TCERG1L: variants seen among roughly 807,000 people sequenced by gnomAD.
TCERG1L encodes the protein transcription elongation regulator 1 like.
Under a neutral mutation model 56.3 loss-of-function variants are expected in TCERG1L, and 37 were observed. The observed-to-expected ratio is 0.66, with a 90% CI of 0.51 to 0.87. The LOEUF (loss-of-function observed/expected upper bound fraction) is 0.87. Ranked by LOEUF, TCERG1L falls within the 40% of genes least tolerant of loss-of-function variation. TCERG1L has a pLI of 0.00. For synonymous variants in TCERG1L, 324 were observed against 326.3 expected, an observed-to-expected ratio of 0.99 and a Z score of 0.08; for missense variants, 799 against 774.2, an observed-to-expected ratio of 1.03 and a Z score of -0.38.
intron 4 of TCERG1L, among the ~76,000 whole-genome samples, chr10:131,241,740 C>T (rs1845976318): frequency 6.6e-6 from 1 of 151,898 alleles, no homozygotes; most frequent in Non-Finnish European, 1.5e-5. Context: ...TATGTGTATA[C>T]ATATACATGC....
Position 131,146,646 on chromosome 10 carries a change from G to A in TCERG1L, c.1049C>T (p.Thr350Met), listed in dbSNP as rs563448537. The A allele has an allele frequency of 5.0e-6, 8 of 1,612,798 alleles. No homozygotes were observed. The highest frequency in any genetic ancestry group is 2.2e-5 in the East Asian group (1 of 44,862). The change falls in exon 7 of 12, where the codon ACG becomes ATG. Residue 350 changes from threonine (T) to methionine (M), a missense_variant. Coordinates refer to ENST00000368642, the MANE Select transcript of TCERG1L (RefSeq NM_174937.4). Reference protein sequence around the residue: ...VPGSPWCVVWTGDDRVFFFNP... With the variant: ...VPGSPWCVVWMGDDRVFFFNP... Reference sequence around the variant, plus strand: ...GAAGAAGAAAACTCGGTCATCGCCCGTCCAGACCACACACCTGTTTGAGTG... The same window carrying A: ...GAAGAAGAAAACTCGGTCATCGCCCATCCAGACCACACACCTGTTTGAGTG...
chr10:131,230,067 C>T (rs1301244695), intron 4 of TCERG1L, among the ~76,000 whole-genome samples: 9 of 152,162 alleles, frequency 5.9e-5, no homozygotes, highest in East Asian at 1.9e-4. Flanking sequence ...CACTGCAACC[C>T]GACTGTCCCA....
chr10:131,115,347 T>C (rs1244581448), intron 9 of TCERG1L, among the ~76,000 whole-genome samples: 1 of 152,172 alleles, frequency 6.6e-6, no homozygotes, highest in Non-Finnish European at 1.5e-5. Context: ...AAGACCCTCA[T>C]GCCAAGAGCA....
intron 3 of TCERG1L, among the ~76,000 whole-genome samples, chr10:131,263,133 C>A (rs1387936624): frequency 1.3e-5 from 2 of 152,058 alleles, no homozygotes; most frequent in African/African-American, 4.8e-5. Context: ...TCCACGGTGG[C>A]TATGCCATTT....
chr10:131,147,131 C>T (rs1215049115), intron 6 of TCERG1L, among the ~76,000 whole-genome samples: 1 of 152,154 alleles, frequency 6.6e-6, no homozygotes, highest in Non-Finnish European at 1.5e-5. Flanking sequence ...CATTACCCTC[C>T]GGCAGCAGCA....
chr10:131,182,198 T>G (rs1845187398), intron 4 of TCERG1L, among the ~76,000 whole-genome samples: 1 of 152,210 alleles, frequency 6.6e-6, no homozygotes, highest in Admixed American at 6.5e-5. Context: ...GCCTTGAGTC[T>G]GCCGTGTGAG....
At chr10:131,165,080 T>C (rs1229981359) in intron 5 of TCERG1L, among the ~76,000 whole-genome samples, 2 of 152,228 alleles carry the variant, frequency 1.3e-5, no homozygotes, top group African/African-American at 4.8e-5. Context: ...CTCGCGTGTC[T>C]GTAAGAGACA....
intron 4 of TCERG1L, among the ~76,000 whole-genome samples, chr10:131,181,513 G>C (rs1400304103): frequency 6.6e-6 from 1 of 152,270 alleles, no homozygotes; most frequent in Non-Finnish European, 1.5e-5. Flanking sequence ...TCAGGCTATG[G>C]ACAGAGACGC....
Position 131,308,331 on chromosome 10 carries a change from A to G in TCERG1L, c.550T>C (p.Phe184Leu), listed in dbSNP as rs1846837436. 1 of 1,613,822 alleles carries G rather than the reference A, an allele frequency of 6.2e-7. No individual in the cohort carries two copies. Among genetic ancestry groups the G allele is most frequent in the Non-Finnish European group, 8.5e-7 (1 of 1,179,890 alleles). Residue 184 changes from phenylalanine to leucine, a missense_variant, in exon 3 of 12, where the codon TTT becomes CTT. Physicochemically the swap from Phe to Leu is conservative, Grantham distance 22 (BLOSUM62 0). Coordinates refer to ENST00000368642, the MANE Select transcript of TCERG1L (RefSeq NM_174937.4). Reference sequence around the variant, plus strand: ...CGAGGCTTTTCATGCCCATGGAAAAACCTTGACTCCTCAGGATGTATCCAC... The same window carrying G: ...CGAGGCTTTTCATGCCCATGGAAAAGCCTTGACTCCTCAGGATGTATCCAC... ...STWIHPEESRFFHGHEKPRLL... is the reference protein window; with the variant it reads ...STWIHPEESRLFHGHEKPRLL...
rs546656332 is a variant in TCERG1L at position 131,135,654 on chromosome 10, C to T, written c.1190-1206G>A. On this transcript the variant is annotated intron_variant, in intron 7 of 11. Coordinates refer to ENST00000368642, the MANE Select transcript of TCERG1L (RefSeq NM_174937.4). ...TGCTGCATCATCCTTGTGGGGCCTC[C>T]GCCACCTGAGCTGCCCAGGCAGCTC... Among the ~76,000 whole-genome samples the T allele has an allele frequency of 6.0e-4, 91 of 152,314 alleles. 1 individual carries two copies. The highest frequency in any genetic ancestry group is 1.1e-3 in the Non-Finnish European group (78 of 68,020).
chr10:131,205,989 T>C (rs1564815344), intron 4 of TCERG1L, among the ~76,000 whole-genome samples: 1 of 152,052 alleles, frequency 6.6e-6, no homozygotes, highest in Non-Finnish European at 1.5e-5. Context: ...GGGCAGATGG[T>C]TTGCCATATG....
At chr10:131,221,341 A>G (rs1467995853) in intron 4 of TCERG1L, among the ~76,000 whole-genome samples, 1 of 152,236 alleles carries the variant, frequency 6.6e-6, no homozygotes, top group East Asian at 1.9e-4. Context: ...AGCACCATCA[A>G]ATTTCCTTCT....
intron 4 of TCERG1L, among the ~76,000 whole-genome samples, chr10:131,228,030 CT>C (rs1439681760): frequency 1.3e-5 from 2 of 151,874 alleles, no homozygotes; most frequent in South Asian, 2.1e-4. Context: ...CCCAGCCCCC[CT>C]CTCCGTGCTG....
intron 3 of TCERG1L, among the ~76,000 whole-genome samples, chr10:131,265,280 T>G (rs907729464): frequency 6.6e-6 from 1 of 152,226 alleles, no homozygotes. Context: ...AACTTTCTTA[T>G]CTGTCTCTTT....
At chr10:131,130,168 G>A (rs1028069996) in intron 8 of TCERG1L, among the ~76,000 whole-genome samples, 7 of 151,746 alleles carry the variant, frequency 4.6e-5, no homozygotes, top group African/African-American at 1.7e-4. Context: ...GGTGAAAGAC[G>A]CATGTTACAA....
intron 9 of TCERG1L, among the ~76,000 whole-genome samples, chr10:131,113,979 C>T (rs182431284): frequency 1.4e-5 from 2 of 142,406 alleles, no homozygotes; most frequent in Non-Finnish European, 1.6e-5. Context: ...GGGATTTGTA[C>T]TAGCAAGGAA....
intron 4 of TCERG1L, among the ~76,000 whole-genome samples, chr10:131,196,064 C>T (rs1455263920): frequency 2.0e-5 from 3 of 152,234 alleles, no homozygotes; most frequent in Non-Finnish European, 4.4e-5. Flanking sequence ...CCATTGCCAG[C>T]AGCCCCACTG....
At chr10:131,247,996 CAT>C (rs1846057847) in intron 4 of TCERG1L, among the ~76,000 whole-genome samples, 1 of 129,678 alleles carries the variant, frequency 7.7e-6, no homozygotes, top group Non-Finnish European at 1.7e-5. Flanking sequence ...CTCAGGTGCA[CAT>C]ACACACACAC....
chr10:131,275,639 C>T (rs11017857), intron 3 of TCERG1L, among the ~76,000 whole-genome samples: 40,597 of 152,102 alleles, frequency 0.27, 6,229 homozygotes, highest in East Asian at 0.51. Context: ...AAACAATGGA[C>T]GGGTTCCCTC....
Sources: allele counts gnomAD v4.1 joint callset (sites outside exome capture counted in the v4.1 genomes callset), GRCh38; gene constraint gnomAD v4.1.1; transcripts MANE v1.5; gene names NCBI Gene and HGNC (gene_info 2026-07-23, HGNC 2026-07-21).